Variants in PPFIBP2 observed in about 807,000 individuals in gnomAD.
PPFIBP2 encodes the protein PPFIB scaffold protein 2.
Under a neutral mutation model 118.3 loss-of-function variants are expected in PPFIBP2, and 118 were observed. The observed-to-expected ratio is 1.00, with a 90% CI of 0.86 to 1.16. The LOEUF is 1.16. Ranked by LOEUF, PPFIBP2 falls within the 50% of genes most tolerant of loss-of-function variation. The pLI is 0.00. For missense variants in PPFIBP2, 1,195 were observed against 1,073.1 expected (o/e 1.11, Z -1.59); for synonymous variants, 414 against 397.4 (o/e 1.04, Z -0.50).
At chr11:7,604,784 C>T (rs1265077367) in intron 5 of PPFIBP2, among the ~76,000 whole-genome samples, 1 of 152,132 alleles carries the variant, frequency 6.6e-6, no homozygotes, top group Non-Finnish European at 1.5e-5. Context: ...ATTGATGGCC[C>T]TAACCTAGAG....
intron 14 of PPFIBP2, 64 bp from the exon 15 acceptor site, chr11:7,639,668 A>T: frequency 6.2e-7 from 1 of 1,606,762 alleles, no homozygotes; most frequent in Non-Finnish European, 8.5e-7. Context: ...TCTGTATCCA[A>T]GGATTTCCTA....
chr11:7,615,291 G>A (rs1277778291), intron 6 of PPFIBP2, among the ~76,000 whole-genome samples: 3 of 150,472 alleles, frequency 2.0e-5, no homozygotes, highest in South Asian at 2.1e-4. Flanking sequence ...AGCCGAGATC[G>A]TGCCACTGCA....
the PPFIBP2 span, chr11:7,666,813 G>T: frequency 3.1e-6 from 1 of 326,420 alleles, no homozygotes; most frequent in Non-Finnish European, 5.8e-6. Context: ...CCTCCAACTA[G>T]AAGGACCTTA....
At chr11:7,544,166 A>G (rs771698412) in intron 1 of PPFIBP2, among the ~76,000 whole-genome samples, 2 of 152,162 alleles carry the variant, frequency 1.3e-5, no homozygotes, top group Non-Finnish European at 2.9e-5. Flanking sequence ...ATTTTTTCTT[A>G]AACAACATAC....
At chr11:7,629,892 G>A (rs1178098390) in intron 10 of PPFIBP2, among the ~76,000 whole-genome samples, 2 of 152,222 alleles carry the variant, frequency 1.3e-5, no homozygotes, top group African/African-American at 4.8e-5. Context: ...CATCATTGGG[G>A]ATTAGAGCTC....
At chr11:7,662,286 C>T in the PPFIBP2 span, among the ~76,000 whole-genome samples, 48 of 152,236 alleles carry the variant, frequency 3.2e-4, no homozygotes, top group East Asian at 9.6e-4. Flanking sequence ...CGACTGGTAC[C>T]GGTTGTTCCT....
chr11:7,611,384 A>G (rs1447780286), intron 6 of PPFIBP2, among the ~76,000 whole-genome samples: 2 of 152,326 alleles, frequency 1.3e-5, no homozygotes, highest in East Asian at 1.9e-4. Flanking sequence ...TTCCCTTCTG[A>G]TAAGTGCCAG....
chr11:7,582,000 C>T (rs1174111298), intron 3 of PPFIBP2, among the ~76,000 whole-genome samples: 1 of 152,076 alleles, frequency 6.6e-6, no homozygotes, highest in East Asian at 1.9e-4. Context: ...CCATGCCCAG[C>T]TAATTTTTTG....
At chr11:7,516,878 A>C (rs186033863) in intron 1 of PPFIBP2, among the ~76,000 whole-genome samples, 17 of 152,214 alleles carry the variant, frequency 1.1e-4, no homozygotes, top group Admixed American at 2.0e-4. Flanking sequence ...CATCTCTTCA[A>C]GCTTTCAGAC....
chr11:7,643,206 C>T (rs999553940), intron 17 of PPFIBP2, among the ~76,000 whole-genome samples: 3 of 152,166 alleles, frequency 2.0e-5, no homozygotes, highest in Non-Finnish European at 4.4e-5. Flanking sequence ...TGGCAATTTT[C>T]TCAATGTAGA....
chr11:7,644,430 G>A (rs546723027), intron 17 of PPFIBP2, among the ~76,000 whole-genome samples: 4 of 152,226 alleles, frequency 2.6e-5, no homozygotes, highest in African/African-American at 9.6e-5. Flanking sequence ...AATGTTTAAG[G>A]CAAACAGGCT....
At chr11:7,594,203 A>G (rs963859077) in intron 4 of PPFIBP2, among the ~76,000 whole-genome samples, 1 of 152,144 alleles carries the variant, frequency 6.6e-6, no homozygotes, top group Admixed American at 6.5e-5. Context: ...GTAATGAATG[A>G]TTTTAAAAAC....
At chr11:7,594,937 A>AAG in intron 4 of PPFIBP2, among the ~76,000 whole-genome samples, 1 of 150,446 alleles carries the variant, frequency 6.6e-6, no homozygotes, top group Non-Finnish European at 1.5e-5. Context: ...AAAAAAAAAA[A>AAG]GAAAAAGGAG....
chr11:7,655,524 G>T, downstream of PPFIBP2: 1 of 1,287,344 alleles, frequency 7.8e-7, no homozygotes, highest in African/African-American at 1.5e-5. Flanking sequence ...TCTCCCCACA[G>T]TCAGACTGGT....
Position 7,653,291 on chromosome 11 carries a change from C to T in PPFIBP2, c.*73C>T, listed in dbSNP as rs1463473972. 1.3e-6 allele frequency: 2 copies of T among 1,594,386 alleles called. No homozygotes were observed. The highest frequency in any genetic ancestry group is 1.7e-5 in the Admixed American group (1 of 58,274). ...CTGTGTGTGTCACCATATAACTGCA[C>T]CTCACCCCCGCACGTGTGCATGACT... On this transcript the variant is annotated 3_prime_UTR_variant, in exon 24 of 24. Coordinates refer to ENST00000299492, the MANE Select transcript of PPFIBP2 (RefSeq NM_003621.5).
At chr11:7,587,868 G>A (rs1858489088) in intron 3 of PPFIBP2, among the ~76,000 whole-genome samples, 2 of 152,246 alleles carry the variant, frequency 1.3e-5, no homozygotes, top group South Asian at 4.1e-4. Context: ...CAGTAAAGGC[G>A]ATGATCTCAG....
At chr11:7,589,805 A>C (rs1012741767) in intron 3 of PPFIBP2, among the ~76,000 whole-genome samples, 13 of 152,322 alleles carry the variant, frequency 8.5e-5, no homozygotes, top group African/African-American at 3.1e-4. Flanking sequence ...ACCTGGAATC[A>C]TGCAGGGATC....
intron 17 of PPFIBP2, among the ~76,000 whole-genome samples, chr11:7,644,477 G>T (rs999887160): frequency 2.6e-5 from 4 of 152,144 alleles, no homozygotes; most frequent in Non-Finnish European, 4.4e-5. Flanking sequence ...TTTGCGGAGT[G>T]TTTTTTTCCT....
intron 1 of PPFIBP2, among the ~76,000 whole-genome samples, chr11:7,529,586 C>T (rs772526205): frequency 1.5e-4 from 23 of 152,184 alleles, no homozygotes; most frequent in Non-Finnish European, 2.9e-4. Context: ...ACTGCTGCAC[C>T]GAGGACAAAG....
Sources: allele counts gnomAD v4.1 joint callset (sites outside exome capture counted in the v4.1 genomes callset), GRCh38; gene constraint gnomAD v4.1.1; transcripts MANE v1.5; gene names NCBI Gene and HGNC (gene_info 2026-07-23, HGNC 2026-07-21).